KHDRBS2: variants seen among roughly 807,000 people sequenced by gnomAD.
KHDRBS2 encodes KH domain-containing, RNA-binding, signal transduction-associated protein 2.
KHDRBS2 carries 26 observed loss-of-function variants against 44.3 expected under a neutral mutation model. That is an observed-to-expected ratio of 0.59 (90% confidence interval 0.43 to 0.81). KHDRBS2 has a LOEUF of 0.81. Among genes scored for constraint, KHDRBS2 ranks in the 40% least tolerant of loss-of-function variants. The probability of loss-of-function intolerance (pLI) is 0.00; values close to 1 mark genes in which losing one functional copy is unlikely to be tolerated. For synonymous variants in KHDRBS2, 194 were observed against 151.1 expected, an observed-to-expected ratio of 1.28 and a Z score of -2.08; for missense variants, 476 against 433.1, an observed-to-expected ratio of 1.10 and a Z score of -0.88.
At chr6:62,153,015 C>T (rs765406642) in intron 2 of KHDRBS2, among the ~76,000 whole-genome samples, 4 of 152,134 alleles carry the variant, frequency 2.6e-5, no homozygotes, top group African/African-American at 4.8e-5. Flanking sequence ...CTGGTGATTA[C>T]GTATGTGAAT....
In KHDRBS2 at chr6:62,194,480, C is replaced by CTTTTTTTT. The variant is rs70996208; in HGVS notation, c.92-17176_92-17169dup. 1.2e-3 allele frequency among the ~76,000 whole-genome samples: 83 copies of CTTTTTTTT among 69,766 alleles called. 12 individuals are homozygous for CTTTTTTTT. Among genetic ancestry groups the CTTTTTTTT allele is most frequent in the Non-Finnish European group, 1.6e-3 (64 of 39,778 alleles). 45.8% of individuals were successfully genotyped at this position (69,766 alleles called of 152,430 possible). ...CACTTTCTTTTCTTTTCTTTTCTTC[C>CTTTTTTTT]TTTTTTTTTTTTTTTTTTTTTTTTT... is the stretch of plus-strand genomic sequence containing the variant. On this transcript the variant is annotated intron_variant, in intron 1 of 8. Coordinates refer to ENST00000281156, the MANE Select transcript of KHDRBS2 (RefSeq NM_152688.4).
At chr6:62,174,983 T>C (rs1352485525) in intron 2 of KHDRBS2, among the ~76,000 whole-genome samples, 1 of 151,716 alleles carries the variant, frequency 6.6e-6, no homozygotes, top group Non-Finnish European at 1.5e-5. Flanking sequence ...CACTGATATT[T>C]TTCTAAGAAG....
chr6:61,779,087 A>G (rs976493974), intron 6 of KHDRBS2, among the ~76,000 whole-genome samples: 18 of 152,222 alleles, frequency 1.2e-4, no homozygotes, highest in African/African-American at 4.1e-4. Flanking sequence ...ATATTGGTAG[A>G]CATTTAAACC....
intron 6 of KHDRBS2, among the ~76,000 whole-genome samples, chr6:61,809,757 C>A (rs1275372612): frequency 6.6e-6 from 1 of 152,146 alleles, no homozygotes; most frequent in African/African-American, 2.4e-5. Context: ...ACAACCTCTT[C>A]TTTTCAATAA....
At chr6:61,857,363 T>C (rs1359360449) in intron 6 of KHDRBS2, among the ~76,000 whole-genome samples, 1 of 152,062 alleles carries the variant, frequency 6.6e-6, no homozygotes, top group Non-Finnish European at 1.5e-5. Context: ...TTTATATCAA[T>C]CATCCACTTA....
chr6:61,815,736 A>G (rs751961482), intron 6 of KHDRBS2, among the ~76,000 whole-genome samples: 28 of 152,166 alleles, frequency 1.8e-4, no homozygotes, highest in Non-Finnish European at 3.2e-4. Context: ...AATATACTCA[A>G]CCAAGCAAAT....
intron 3 of KHDRBS2, among the ~76,000 whole-genome samples, chr6:61,987,519 A>C (rs1006840794): frequency 4.6e-5 from 7 of 152,198 alleles, no homozygotes; most frequent in African/African-American, 1.7e-4. Flanking sequence ...TGCCCCAGGG[A>C]ACTTTCTTTT....
At chr6:61,622,028 C>A in the KHDRBS2 span, among the ~76,000 whole-genome samples, 1 of 152,112 alleles carries the variant, frequency 6.6e-6, no homozygotes, top group African/African-American at 2.4e-5. Flanking sequence ...ATGTTTTTCC[C>A]CAGCAACGTT....
intron 7 of KHDRBS2, among the ~76,000 whole-genome samples, chr6:61,721,729 G>T: frequency 8.8e-6 from 1 of 113,064 alleles, no homozygotes; most frequent in Non-Finnish European, 2.0e-5. Context: ...CTGCAAACAG[G>T]GACAATTTGA....
At chr6:61,901,161 C>G in intron 5 of KHDRBS2, 83 bp downstream of exon 5, 1 of 1,317,840 alleles carries the variant, frequency 7.6e-7, no homozygotes, top group East Asian at 2.3e-5. Flanking sequence ...TTGTTGTTTA[C>G]TGCTAGTGAT....
chr6:61,723,413 G>T (rs1296207873), intron 7 of KHDRBS2, among the ~76,000 whole-genome samples: 1 of 152,128 alleles, frequency 6.6e-6, no homozygotes, highest in Non-Finnish European at 1.5e-5. Flanking sequence ...GTAGACTTCA[G>T]AAGGTACGTA....
chr6:62,102,695 T>G (rs1401951327), intron 2 of KHDRBS2, among the ~76,000 whole-genome samples: 36 of 151,908 alleles, frequency 2.4e-4, no homozygotes, highest in Admixed American at 2.1e-3. Context: ...CAGCAGAGGG[T>G]GGGAAGACTA....
Position 61,896,853 on chromosome 6 carries a change from T to C in KHDRBS2, c.612-2020A>G, listed in dbSNP as rs72882420. On this transcript the variant is annotated intron_variant, in intron 5 of 8. Transcript: ENST00000281156. The stretch of plus-strand genomic sequence containing the variant: ...CCACTAGATTTCTTTACAGTCTCCA[T>C]GCCACAGCACCTTTCTACTATTTTT... Among the ~76,000 whole-genome samples the C allele has an allele frequency of 4.3e-3, 659 of 152,342 alleles. 2 individuals are homozygous for C. The highest frequency in any genetic ancestry group is 7.6e-3 in the Non-Finnish European group (516 of 68,022).
At chr6:61,673,373 A>T in the KHDRBS2 span, among the ~76,000 whole-genome samples, 1 of 151,892 alleles carries the variant, frequency 6.6e-6, no homozygotes, top group Non-Finnish European at 1.5e-5. Context: ...CAAGACAGGG[A>T]TGCCCTCTCT....
At chr6:61,678,932 CT>C (rs1766092626), downstream of KHDRBS2, 1 of 151,814 alleles carries the variant, frequency 6.6e-6, no homozygotes, top group African/African-American at 2.4e-5. Context: ...ATTATGTGTT[CT>C]TTGTTTGTGG....
At chr6:61,750,714 G>T (rs1777545839) in intron 6 of KHDRBS2, among the ~76,000 whole-genome samples, 1 of 150,712 alleles carries the variant, frequency 6.6e-6, no homozygotes, top group Non-Finnish European at 1.5e-5. Flanking sequence ...TTATTTACCA[G>T]GGAGTAACTG....
chr6:62,173,152 C>T (rs1401594519), intron 2 of KHDRBS2, among the ~76,000 whole-genome samples: 5 of 149,886 alleles, frequency 3.3e-5, no homozygotes, highest in Admixed American at 1.3e-4. Context: ...GGAGTTGGTT[C>T]GCTGAAAGAG....
At chr6:61,872,192 A>G (rs1215154632) in intron 6 of KHDRBS2, among the ~76,000 whole-genome samples, 2 of 152,198 alleles carry the variant, frequency 1.3e-5, no homozygotes, top group Non-Finnish European at 2.9e-5. Flanking sequence ...TAAATTGAAA[A>G]ACTCCTAAAT....
chr6:62,107,045 C>A (rs1279157504), intron 2 of KHDRBS2, among the ~76,000 whole-genome samples: 1 of 152,002 alleles, frequency 6.6e-6, no homozygotes, highest in African/African-American at 2.4e-5. Flanking sequence ...GACAGGGATG[C>A]CCTCTCTCAC....
Sources: gnomAD v4.1 joint callset for allele counts (sites outside exome capture counted in the v4.1 genomes callset) on GRCh38, gnomAD v4.1.1 for gene constraint, MANE v1.5 for transcripts, NCBI Gene and HGNC (gene_info 2026-07-23, HGNC 2026-07-21) for gene names.